The following MBP variants were observed in gnomAD, a reference collection of about 807,000 sequenced individuals.
MBP encodes the protein myelin basic protein.
MBP carries 16 observed loss-of-function variants against 35.8 expected under a neutral mutation model. The ratio of observed to expected loss-of-function variants is 0.45; its 90% confidence interval spans 0.30 to 0.68. The LOEUF is 0.68. Among genes scored for constraint, MBP ranks in the 30% least tolerant of loss-of-function variants. MBP has a pLI of 0.08. For missense variants in MBP, 380 were observed against 404.7 expected (o/e 0.94, Z 0.52); for synonymous variants, 143 against 159.6 (o/e 0.90, Z 0.78).
In MBP at chr18:76,989,986, T is replaced by C; in HGVS notation, c.651A>G (p.Glu217=). The part of the protein sequence containing the change: ...PQKSHGRTQD[E]NPVVHFFKNI... ...TCTTGAAGAAGTGGACTACGGGGTT[T>C]TCATCTTGGGTCCGGCCGTGTGACT... The change falls in exon 5 of 9, where the codon GAA becomes GAG. Residue 217 remains glutamate, a synonymous_variant. Coordinates refer to ENST00000355994, the MANE Select transcript of MBP (RefSeq NM_001025101.2). The surrounding 1 kb of genome is among the most constrained non-coding windows in gnomAD (Gnocchi z 4.0). 1 of 1,612,606 alleles carries C rather than the reference T, an allele frequency of 6.2e-7. No homozygotes were observed. Among genetic ancestry groups the C allele is most frequent in the East Asian group, 2.2e-5 (1 of 44,864 alleles).
rs766075042 is a variant in MBP, at chr18:77,017,068, A to G, written c.340T>C (p.Ser114Pro). 1 of 1,610,782 alleles carries G rather than the reference A, an allele frequency of 6.2e-7. No individual in the cohort carries two copies. Among genetic ancestry groups the G allele is most frequent in the Non-Finnish European group, 8.5e-7 (1 of 1,177,876 alleles). The change falls in exon 4 of 9, where the codon TCC becomes CCC. Residue 114 changes from serine (S) to proline (P), a missense_variant. Transcript: ENST00000355994. ...TCTTGGATGGTCTGGAGCTCGTCGGACTCAGAGGGCCTGTCTTTGAAGGTG... is the reference window on the plus strand; with the variant it reads ...TCTTGGATGGTCTGGAGCTCGTCGGGCTCAGAGGGCCTGTCTTTGAAGGTG... ...DNTFKDRPSE[S>P]DELQTIQEDS... is the part of the protein sequence containing the mutation.
chr18:77,098,553 G>A (rs1455368176), intron 2 of MBP, among the ~76,000 whole-genome samples: 2 of 152,212 alleles, frequency 1.3e-5, no homozygotes, highest in African/African-American at 2.4e-5. Flanking sequence ...GAAAGAGCAC[G>A]ATCGATCCAC....
intron 3 of MBP, among the ~76,000 whole-genome samples, chr18:77,061,106 T>C (rs1363003992): frequency 6.6e-6 from 1 of 151,912 alleles, no homozygotes; most frequent in Non-Finnish European, 1.5e-5. Context: ...CTGTGGATCA[T>C]AGCAGGTCCT....
intron 4 of MBP, among the ~76,000 whole-genome samples, chr18:77,007,413 C>T (rs1025718506): frequency 2.0e-5 from 3 of 152,216 alleles, no homozygotes; most frequent in Non-Finnish European, 4.4e-5. Context: ...CCTGCACCCT[C>T]TGTGTGCACC....
chr18:77,102,090 C>T lies in MBP; in HGVS notation c.51+3121G>A, dbSNP rs1976042409. Among the ~76,000 whole-genome samples the T allele has an allele frequency of 1.3e-5, 2 of 151,872 alleles. No individual in the cohort carries two copies. The highest frequency in any genetic ancestry group is 2.4e-5 in the African/African-American group (1 of 41,294). The stretch of plus-strand genomic sequence containing the variant: ...CTGTATCAGAGCACTCAGCCGCAGG[C>T]TCTATGACAGCAGAGGAAAGAATCA... On this transcript the variant is annotated intron_variant, in intron 2 of 8. Transcript: ENST00000355994. This position sits in a 1 kb window ranked among gnomAD's most constrained non-coding sequence, Gnocchi z 4.4.
chr18:76,989,703 C>G lies in MBP; in HGVS notation c.681+253G>C, dbSNP rs1969779830. On this transcript the variant is annotated intron_variant, in intron 5 of 8. Transcript: ENST00000355994. The surrounding 1 kb of genome is among the most constrained non-coding windows in gnomAD (Gnocchi z 4.0). Reference sequence around the variant, plus strand: ...TTTTAGGCTAAGCGTTACATGGGAGCCTAATCTCAAGAGAAGTGAGCTCTC... The same window carrying G: ...TTTTAGGCTAAGCGTTACATGGGAGGCTAATCTCAAGAGAAGTGAGCTCTC... The G allele has an allele frequency of 4.3e-6, 2 of 462,498 alleles. No individual in the cohort carries two copies. The highest frequency in any genetic ancestry group is 7.8e-6 in the Non-Finnish European group (2 of 256,066). 28.6% of individuals were successfully genotyped at this position (462,498 alleles called of 1,614,324 possible). A position where few individuals can be genotyped will look rare whatever the true frequency, so the allele number is the denominator to read the frequency against.
intron 3 of MBP, among the ~76,000 whole-genome samples, chr18:77,043,801 C>G (rs778894579): frequency 6.6e-6 from 1 of 152,176 alleles, no homozygotes; most frequent in Admixed American, 6.5e-5. Context: ...GCAGGACACG[C>G]AGGAGCTGAC....
At chr18:77,078,151 C>T (rs1030947373) in intron 2 of MBP, among the ~76,000 whole-genome samples, 1 of 152,234 alleles carries the variant, frequency 6.6e-6, no homozygotes, top group African/African-American at 2.4e-5. Flanking sequence ...ACCCTCTCAT[C>T]TGTCTTGTGA....
At chr18:77,016,691 T>C (rs1043356111) in intron 4 of MBP, 141 bp downstream of exon 4, 3 of 1,450,006 alleles carry the variant, frequency 2.1e-6, no homozygotes, top group African/African-American at 2.9e-5. Context: ...CTTGGGCTCA[T>C]ATGCATTCTC....
chr18:77,047,396 C>G (rs1973301499), intron 3 of MBP, among the ~76,000 whole-genome samples: 1 of 152,250 alleles, frequency 6.6e-6, no homozygotes, highest in African/African-American at 2.4e-5. Flanking sequence ...AAACACCACG[C>G]ATTTACAGGA....
At chr18:77,080,718 C>G (rs1206032670) in intron 2 of MBP, among the ~76,000 whole-genome samples, 1 of 152,172 alleles carries the variant, frequency 6.6e-6, no homozygotes, top group Non-Finnish European at 1.5e-5. Context: ...AAGTCTCACT[C>G]TCTCACCCAG....
chr18:77,059,529 T>G (rs1448576389), intron 3 of MBP, among the ~76,000 whole-genome samples: 1 of 151,542 alleles, frequency 6.6e-6, no homozygotes, highest in Non-Finnish European at 1.5e-5. Context: ...CTTAATTACA[T>G]TATTAAAATT....
intron 7 of MBP, chr18:76,985,914 G>T (rs1969532342): frequency 3.0e-6 from 3 of 986,506 alleles, no homozygotes; most frequent in South Asian, 9.4e-5. Flanking sequence ...AGCCCCTCTG[G>T]CTTCCTCATG....
At chr18:77,075,747 C>G (rs1974624974) in intron 2 of MBP, among the ~76,000 whole-genome samples, 1 of 152,154 alleles carries the variant, frequency 6.6e-6, no homozygotes, top group South Asian at 2.1e-4. Flanking sequence ...AGGAGCCAGT[C>G]AGCCATAAAA....
intron 2 of MBP, among the ~76,000 whole-genome samples, chr18:77,080,328 G>T (rs1412231651): frequency 6.6e-6 from 1 of 152,290 alleles, no homozygotes; most frequent in Non-Finnish European, 1.5e-5. Flanking sequence ...TGCAGAATCA[G>T]AACAGGATGC....
intron 4 of MBP, chr18:77,016,389 G>T (rs1971639821): frequency 1.0e-6 from 1 of 998,470 alleles, no homozygotes; most frequent in Non-Finnish European, 1.2e-6. Flanking sequence ...TTGTCGCAGA[G>T]CAACATGAAG....
At chr18:77,057,572 G>A (rs1484186295) in intron 3 of MBP, among the ~76,000 whole-genome samples, 1 of 152,190 alleles carries the variant, frequency 6.6e-6, no homozygotes. Flanking sequence ...AGAAGGACAA[G>A]GAGAGAGGAG....
chr18:77,018,926 A>G (rs982844899), intron 3 of MBP, among the ~76,000 whole-genome samples: 16 of 148,118 alleles, frequency 1.1e-4, no homozygotes, highest in Non-Finnish European at 1.6e-4. Context: ...TCATGTATTC[A>G]TCCATTTACC....
At chr18:77,099,937 C>T (rs544005371) in intron 2 of MBP, among the ~76,000 whole-genome samples, 4 of 152,356 alleles carry the variant, frequency 2.6e-5, no homozygotes, top group East Asian at 1.9e-4. Context: ...GTGTGGAGTC[C>T]GTTCCCCAGG....
Sources: gnomAD v4.1 joint callset for allele counts (sites outside exome capture counted in the v4.1 genomes callset) on GRCh38, gnomAD v4.1.1 for gene constraint, Gnocchi (gnomAD v3.1) non-coding constraint, MANE v1.5 for transcripts, NCBI Gene and HGNC (gene_info 2026-07-23, HGNC 2026-07-21) for gene names.